Variants in SEMA3E observed in about 807,000 individuals in gnomAD.
SEMA3E encodes semaphorin 3E, also known as semaphorin-3E.
In SEMA3E, 49 loss-of-function variants were observed where a neutral mutation model predicts 93.6. The ratio of observed to expected loss-of-function variants is 0.52; its 90% CI spans 0.42 to 0.66. The LOEUF is 0.66. SEMA3E is among the 30% of genes least tolerant of loss of function. The probability of loss-of-function intolerance (pLI) is 0.00; values close to 1 mark genes in which losing one functional copy is unlikely to be tolerated. For synonymous variants in SEMA3E, 363 were observed against 330.7 expected (o/e 1.10, Z -1.06); for missense variants, 906 against 964.8 (o/e 0.94, Z 0.81).
chr7:83,611,299 T>TTA (rs944171842), intron 1 of SEMA3E, among the ~76,000 whole-genome samples: 237 of 144,060 alleles, frequency 1.6e-3, no homozygotes, highest in African/African-American at 5.7e-3. Context: ...AATTTATATA[T>TTA]TATATATATA....
chr7:83,525,784 G>GTTT (rs35792837), intron 1 of SEMA3E, among the ~76,000 whole-genome samples: 1 of 128,560 alleles, frequency 7.8e-6, no homozygotes. Flanking sequence ...GTTTGTTTGG[G>GTTT]TTTTTTTTTT....
Position 83,538,341 on chromosome 7 carries a change from C to A in SEMA3E, c.116-48067G>T, listed in dbSNP as rs142631157. The stretch of plus-strand genomic sequence containing the variant: ...ATGAGTTCTGATTTCCCACATCCTC[C>A]CAACACTTTTTATCTGACTTTTTGA... On this transcript the variant is annotated intron_variant, in intron 1 of 16. Coordinates refer to ENST00000643230, the MANE Select transcript of SEMA3E (RefSeq NM_012431.3). 3.9e-5 allele frequency among the ~76,000 whole-genome samples: 6 copies of A among 152,248 alleles called. No homozygotes were observed. In the East Asian group the frequency reaches 1.2e-3, roughly 29 times the overall value.
At chr7:83,623,729 T>C (rs1219769236) in intron 1 of SEMA3E, among the ~76,000 whole-genome samples, 1 of 152,106 alleles carries the variant, frequency 6.6e-6, no homozygotes, top group Non-Finnish European at 1.5e-5. Context: ...AATTTAAAAA[T>C]TGTTTCATTT....
chr7:83,368,249 T>C (rs1384081910), intron 16 of SEMA3E, among the ~76,000 whole-genome samples: 1 of 151,948 alleles, frequency 6.6e-6, no homozygotes, highest in Non-Finnish European at 1.5e-5. Flanking sequence ...ATTCTGAAGA[T>C]ATTTACATTG....
chr7:83,645,265 A>C (rs1794064781), intron 1 of SEMA3E, among the ~76,000 whole-genome samples: 1 of 151,880 alleles, frequency 6.6e-6, no homozygotes, highest in African/African-American at 2.4e-5. Context: ...TTTCAAAGAA[A>C]CCCTTGGGGA....
intron 1 of SEMA3E, among the ~76,000 whole-genome samples, chr7:83,562,366 C>T (rs1403180411): frequency 6.6e-6 from 1 of 152,106 alleles, no homozygotes; most frequent in East Asian, 1.9e-4. Context: ...TATCTTTTCC[C>T]ACCTTGCTCT....
chr7:83,427,208 CTTT>C (rs991538125), intron 4 of SEMA3E, among the ~76,000 whole-genome samples: 1 of 148,474 alleles, frequency 6.7e-6, no homozygotes, highest in African/African-American at 2.5e-5. Context: ...TTCTTTTTTT[CTTT>C]TTTCTTTCTT....
At chr7:83,556,561 G>C (rs1249630500) in intron 1 of SEMA3E, among the ~76,000 whole-genome samples, 2 of 152,168 alleles carry the variant, frequency 1.3e-5, no homozygotes, top group Non-Finnish European at 2.9e-5. Flanking sequence ...ACTATATCTT[G>C]TTTAATATAG....
At chr7:83,405,818 C>T in intron 8 of SEMA3E, 127 bp downstream of exon 8, 1 of 787,724 alleles carries the variant, frequency 1.3e-6, no homozygotes, top group East Asian at 2.7e-5. Context: ...ATGAAAAGAA[C>T]AGAAACTTGC....
At chr7:83,572,746 G>C (rs1792312355) in intron 1 of SEMA3E, among the ~76,000 whole-genome samples, 1 of 152,090 alleles carries the variant, frequency 6.6e-6, no homozygotes, top group Non-Finnish European at 1.5e-5. Context: ...TCTGGTCTTT[G>C]ACAAAGTTGA....
At chr7:83,501,632 T>C (rs1055045908) in intron 1 of SEMA3E, among the ~76,000 whole-genome samples, 4 of 152,188 alleles carry the variant, frequency 2.6e-5, no homozygotes, top group Non-Finnish European at 5.9e-5. Context: ...TTTGTATTTT[T>C]AGCAGAAACA....
At chr7:83,436,623 T>C (rs1417560186) in intron 4 of SEMA3E, among the ~76,000 whole-genome samples, 1 of 152,020 alleles carries the variant, frequency 6.6e-6, no homozygotes, top group African/African-American at 2.4e-5. Context: ...TTTAAATACA[T>C]GATATAAGCA....
At chr7:83,451,148 T>C (rs1584256785) in intron 4 of SEMA3E, among the ~76,000 whole-genome samples, 1 of 152,164 alleles carries the variant, frequency 6.6e-6, no homozygotes. Flanking sequence ...ACAGGTTTGC[T>C]TCCACTTCCA....
intron 4 of SEMA3E, among the ~76,000 whole-genome samples, chr7:83,460,217 A>G (rs1789582036): frequency 6.6e-6 from 1 of 152,128 alleles, no homozygotes; most frequent in South Asian, 2.1e-4. Flanking sequence ...CTACGACCTC[A>G]GGTCCTCAGA....
At chr7:83,375,383 AG>A (rs749060927) in intron 16 of SEMA3E, among the ~76,000 whole-genome samples, 22 of 152,150 alleles carry the variant, frequency 1.4e-4, no homozygotes, top group Non-Finnish European at 2.9e-4. Flanking sequence ...TTCCAACAAC[AG>A]CACCATAATA....
At chr7:83,408,270 TG>T in intron 6 of SEMA3E, 97 bp downstream of exon 6, 1 of 1,370,942 alleles carries the variant, frequency 7.3e-7, no homozygotes, top group Non-Finnish European at 1.0e-6. Flanking sequence ...GTAAAGGAAT[TG>T]TATTTATATT....
At chr7:83,426,942 T>C (rs1562777201) in intron 4 of SEMA3E, among the ~76,000 whole-genome samples, 1 of 152,096 alleles carries the variant, frequency 6.6e-6, no homozygotes. Context: ...ATCTATACTT[T>C]TATGATTTAT....
At chr7:83,579,477 A>T (rs1792475618) in intron 1 of SEMA3E, among the ~76,000 whole-genome samples, 1 of 152,164 alleles carries the variant, frequency 6.6e-6, no homozygotes, top group African/African-American at 2.4e-5. Context: ...GCTGTTCAGT[A>T]TATTCTGAAA....
intron 4 of SEMA3E, among the ~76,000 whole-genome samples, chr7:83,418,695 A>C (rs1236762229): frequency 6.6e-6 from 1 of 152,158 alleles, no homozygotes; most frequent in Non-Finnish European, 1.5e-5. Context: ...CCTCTGAAAA[A>C]GTATGCAGGT....
Sources: gnomAD v4.1 joint callset for allele counts (sites outside exome capture counted in the v4.1 genomes callset) on GRCh38, gnomAD v4.1.1 for gene constraint, MANE v1.5 for transcripts, NCBI Gene and HGNC (gene_info 2026-07-23, HGNC 2026-07-21) for gene names.